The following JMJD1C variants were observed in gnomAD, a reference collection of about 807,000 sequenced individuals.
The protein encoded by JMJD1C is jumonji domain containing 1C.
A neutral mutation model predicts 245.3 loss-of-function variants in JMJD1C; 31 were observed. That is an observed-to-expected ratio of 0.13 (90% CI 0.09 to 0.17). The LOEUF is 0.17. Among genes scored for constraint, JMJD1C ranks in the 10% least tolerant of loss-of-function variants. The pLI is 1.00. For missense variants in JMJD1C, 2,691 were observed against 3,000.2 expected, an observed-to-expected ratio of 0.90 and a Z score of 2.41; for synonymous variants, 1,057 against 1,017.4, an observed-to-expected ratio of 1.04 and a Z score of -0.74.
rs192975105 is a variant in JMJD1C, at chr10:63,252,710, T to C, written c.447+11941A>G. Among the ~76,000 whole-genome samples, 1,278 of 152,288 alleles carry C rather than the reference T, an allele frequency of 8.4e-3. 6 individuals carry two copies. The highest frequency in any genetic ancestry group is 0.044 in the Middle Eastern group (13 of 294). Reference sequence around the variant, plus strand: ...ACTGAGAAACACTACTACAGAACCCTAGTCTTCTGAGAAGTAAAGAAAAAG... The same window carrying C: ...ACTGAGAAACACTACTACAGAACCCCAGTCTTCTGAGAAGTAAAGAAAAAG... On this transcript the variant is annotated intron_variant, in intron 3 of 25. Coordinates refer to ENST00000399262, the MANE Select transcript of JMJD1C (RefSeq NM_032776.3).
At chr10:63,473,605 T>C (rs1202276192) in intron 1 of JMJD1C, among the ~76,000 whole-genome samples, 1 of 152,206 alleles carries the variant, frequency 6.6e-6, no homozygotes, top group Non-Finnish European at 1.5e-5. Flanking sequence ...TGGACTTGCC[T>C]TTACATTCTT....
At chr10:63,378,569 G>A (rs535326353) in intron 2 of JMJD1C, among the ~76,000 whole-genome samples, 55 of 152,236 alleles carry the variant, frequency 3.6e-4, no homozygotes, top group Non-Finnish European at 4.4e-4. Context: ...TCCAGCCTGG[G>A]CAACAGAGTG....
intron 2 of JMJD1C, among the ~76,000 whole-genome samples, chr10:63,277,826 C>T (rs1296061624): frequency 7.1e-6 from 1 of 141,670 alleles, no homozygotes; most frequent in Non-Finnish European, 1.5e-5. Flanking sequence ...AAACCTCTGC[C>T]TCTTGGTTCA....
At chr10:63,421,116 T>C (rs1950102084) in intron 1 of JMJD1C, among the ~76,000 whole-genome samples, 1 of 151,968 alleles carries the variant, frequency 6.6e-6, no homozygotes, top group Non-Finnish European at 1.5e-5. Flanking sequence ...AGGTGGATCA[T>C]CTGAGGTCGG....
intron 2 of JMJD1C, among the ~76,000 whole-genome samples, chr10:63,370,906 T>C (rs1322333796): frequency 6.6e-6 from 1 of 152,200 alleles, no homozygotes; most frequent in African/African-American, 2.4e-5. Flanking sequence ...ATAGTTGTTT[T>C]TTAGGGAAAA....
chr10:63,242,901 AATG>A (rs1564668383), intron 3 of JMJD1C, among the ~76,000 whole-genome samples: 1 of 151,816 alleles, frequency 6.6e-6, no homozygotes, highest in Non-Finnish European at 1.5e-5. Context: ...AGACAATGGC[AATG>A]ATATCATACC....
chr10:63,321,088 C>T (rs535138484), intron 2 of JMJD1C, among the ~76,000 whole-genome samples: 34 of 152,338 alleles, frequency 2.2e-4, no homozygotes, highest in Middle Eastern at 3.4e-3. Context: ...AACACATCCA[C>T]GTGCCAGGTG....
At position 63,281,458 on chromosome 10, in the gene JMJD1C, C is replaced by CTTTTTTT. The variant is rs71025144; in HGVS notation, c.334-16701_334-16695dup. Among the ~76,000 whole-genome samples the CTTTTTTT allele has an allele frequency of 1.4e-4, 9 of 65,386 alleles. 1 individual carries two copies. The highest frequency in any genetic ancestry group is 5.6e-4 in the African/African-American group (8 of 14,206). The allele number at this position is 65,386 out of a possible 152,430, so 42.9% of individuals were successfully genotyped here. ...ACAGGCGTGAGCCACTGCGCCTGGC[C>CTTTTTTT]TTTTTTTTTTTTTTTTTTTTTTTTT... On this transcript the variant is annotated intron_variant, in intron 2 of 25. Coordinates refer to ENST00000399262, the MANE Select transcript of JMJD1C (RefSeq NM_032776.3).
At chr10:63,222,792 C>T in intron 3 of JMJD1C, 1 of 1,461,284 alleles carries the variant, frequency 6.8e-7, no homozygotes, top group South Asian at 1.1e-5. Context: ...AAGTCAATTC[C>T]TAGTGAAAAA....
intron 1 of JMJD1C, among the ~76,000 whole-genome samples, chr10:63,451,469 TGATA>T (rs1952064436): frequency 6.6e-6 from 1 of 152,006 alleles, no homozygotes; most frequent in Non-Finnish European, 1.5e-5. Flanking sequence ...GTTCAACCAA[TGATA>T]GATCAAAAAT....
At chr10:63,443,628 T>C (rs1172721455) in intron 1 of JMJD1C, among the ~76,000 whole-genome samples, 1 of 152,236 alleles carries the variant, frequency 6.6e-6, no homozygotes, top group African/African-American at 2.4e-5. Flanking sequence ...CAGGTTTTTA[T>C]AGAGGTCTGG....
intron 2 of JMJD1C, among the ~76,000 whole-genome samples, chr10:63,281,153 T>TG (rs1448909401): frequency 1.5e-5 from 2 of 135,980 alleles, no homozygotes; most frequent in Non-Finnish European, 3.1e-5. Context: ...TTTTTTGAGA[T>TG]GGAGTCTCGC....
rs113325920 is a variant in JMJD1C, at chr10:63,215,241, T to TAA, written c.1015+20_1015+21dup. The TAA allele has an allele frequency of 2.1e-4, 265 of 1,279,050 alleles. No homozygotes were observed. In the African/African-American group the frequency reaches 2.8e-3, roughly 14 times the overall value. 79.2% of individuals were successfully genotyped at this position (1,279,050 alleles called of 1,614,324 possible). ...TTTGTTTTATTTGTTTTCATTCCCTTAAAAAAAAAAGTGGGTCCTACCTCC... is the reference window on the plus strand; with the variant it reads ...TTTGTTTTATTTGTTTTCATTCCCTTAAAAAAAAAAAAGTGGGTCCTACCTCC... On this transcript the variant is annotated intron_variant, in intron 7 of 25. Coordinates refer to ENST00000399262, the MANE Select transcript of JMJD1C (RefSeq NM_032776.3).
At chr10:63,467,611 C>T (rs1006654348), upstream of JMJD1C, among the ~76,000 whole-genome samples, 1 of 152,360 alleles carries the variant, frequency 6.6e-6, no homozygotes, top group Middle Eastern at 3.4e-3. Context: ...TTTGCTTGGG[C>T]AATTTTATTT....
chr10:63,387,082 A>C (rs1284061829), intron 1 of JMJD1C, among the ~76,000 whole-genome samples: 1 of 152,026 alleles, frequency 6.6e-6, no homozygotes, highest in Non-Finnish European at 1.5e-5. Context: ...TAAAAAAATC[A>C]CATGGAGTCT....
intron 3 of JMJD1C, among the ~76,000 whole-genome samples, chr10:63,229,782 A>AT (rs1246661205): frequency 4.6e-5 from 7 of 152,192 alleles, no homozygotes; most frequent in Non-Finnish European, 8.8e-5. Flanking sequence ...TAATTATTAC[A>AT]TTTTTGCATT....
chr10:63,346,755 A>G (rs947303573), intron 2 of JMJD1C, among the ~76,000 whole-genome samples: 2 of 152,114 alleles, frequency 1.3e-5, no homozygotes, highest in African/African-American at 4.8e-5. Context: ...TTTGTCTGAA[A>G]GTTTTTCTTT....
At chr10:63,286,287 A>T (rs747923697) in intron 2 of JMJD1C, among the ~76,000 whole-genome samples, 14 of 152,356 alleles carry the variant, frequency 9.2e-5, no homozygotes, top group Non-Finnish European at 1.8e-4. Context: ...GAATACACAT[A>T]TCTAAGCCTT....
intron 4 of JMJD1C, among the ~76,000 whole-genome samples, chr10:63,218,666 C>T (rs550496591): frequency 3.9e-5 from 6 of 152,102 alleles, no homozygotes; most frequent in African/African-American, 1.4e-4. Flanking sequence ...GACTATACTG[C>T]CCCTTAATCT....
Sources: gnomAD v4.1 joint callset for allele counts (sites outside exome capture counted in the v4.1 genomes callset) on GRCh38, gnomAD v4.1.1 for gene constraint, MANE v1.5 for transcripts, NCBI Gene and HGNC (gene_info 2026-07-23, HGNC 2026-07-21) for gene names.